NTNG1: variants seen among roughly 807,000 people sequenced by gnomAD.
The protein encoded by NTNG1 is netrin-G1.
A neutral mutation model predicts 54.0 loss-of-function variants in NTNG1; 16 were observed. The ratio of observed to expected loss-of-function variants is 0.30; its 90% CI spans 0.20 to 0.45. NTNG1 has a LOEUF of 0.45. NTNG1 is among the 20% of genes least tolerant of loss of function. NTNG1 has a pLI of 1.00. For missense variants in NTNG1, 530 were observed against 678.7 expected (o/e 0.78, Z 2.43); for synonymous variants, 255 against 263.1 (o/e 0.97, Z 0.30).
rs190297509 is a variant in NTNG1, at chr1:107,201,011, C to T, written c.246+52172C>T. ...TGCCCTAGCATTCTAAGCAACACAACGCAATTTTGGGTACTGTAAATTTTT... is the reference window on the plus strand; with the variant it reads ...TGCCCTAGCATTCTAAGCAACACAATGCAATTTTGGGTACTGTAAATTTTT... On this transcript the variant is annotated intron_variant, in intron 2 of 7. Coordinates refer to ENST00000370068, the MANE Select transcript of NTNG1 (RefSeq NM_001113226.3). Among the ~76,000 whole-genome samples the T allele has an allele frequency of 1.4e-3, 209 of 151,864 alleles. 3 individuals are homozygous for T. Among genetic ancestry groups the T allele is most frequent in the Middle Eastern group, 6.8e-3 (2 of 294 alleles).
intron 2 of NTNG1, among the ~76,000 whole-genome samples, chr1:107,200,844 T>TA (rs1045530509): frequency 1.6e-4 from 25 of 151,916 alleles, no homozygotes; most frequent in African/African-American, 5.5e-4. Flanking sequence ...ACTGCATAGA[T>TA]AAAAAACTCA....
chr1:107,181,287 G>A (rs1336784144), intron 2 of NTNG1, among the ~76,000 whole-genome samples: 2 of 152,172 alleles, frequency 1.3e-5, no homozygotes, highest in African/African-American at 2.4e-5. Flanking sequence ...ATACATTTCA[G>A]TGAAATAACC....
At chr1:107,394,034 A>AACACAC (rs142695081) in intron 3 of NTNG1, among the ~76,000 whole-genome samples, 107 of 149,806 alleles carry the variant, frequency 7.1e-4, no homozygotes, top group African/African-American at 2.5e-3. Flanking sequence ...CACACACATA[A>AACACAC]ACACACACAC....
chr1:107,475,728 C>A (rs1397117827), intron 7 of NTNG1, among the ~76,000 whole-genome samples: 1 of 152,160 alleles, frequency 6.6e-6, no homozygotes, highest in African/African-American at 2.4e-5. Flanking sequence ...CTGACCCAGG[C>A]CTTATCGTTT....
intron 2 of NTNG1, among the ~76,000 whole-genome samples, chr1:107,166,317 T>G (rs748839450): frequency 6.6e-6 from 1 of 152,234 alleles, no homozygotes; most frequent in African/African-American, 2.4e-5. Flanking sequence ...ATCTCAACAG[T>G]AACAAATGTT....
At chr1:107,170,986 T>C (rs1205827363) in intron 2 of NTNG1, among the ~76,000 whole-genome samples, 1 of 152,138 alleles carries the variant, frequency 6.6e-6, no homozygotes, top group African/African-American at 2.4e-5. Context: ...CCAATCCACA[T>C]TTTAATAAGA....
intron 7 of NTNG1, among the ~76,000 whole-genome samples, chr1:107,454,168 C>G (rs1370550368): frequency 6.6e-6 from 1 of 152,120 alleles, no homozygotes; most frequent in Admixed American, 6.6e-5. Context: ...ACAAACAATA[C>G]CACACAACAG....
chr1:107,230,358 G>A (rs942706303), intron 2 of NTNG1, among the ~76,000 whole-genome samples: 7 of 152,140 alleles, frequency 4.6e-5, no homozygotes, highest in Non-Finnish European at 8.8e-5. Context: ...TTGATGGGCA[G>A]TCTGTATCAG....
intron 2 of NTNG1, among the ~76,000 whole-genome samples, chr1:107,157,368 A>T (rs1655077325): frequency 6.6e-6 from 1 of 152,160 alleles, no homozygotes; most frequent in Non-Finnish European, 1.5e-5. Flanking sequence ...AAGGTTCTTG[A>T]TTGGTGTTGT....
intron 2 of NTNG1, among the ~76,000 whole-genome samples, chr1:107,195,394 C>T (rs1188918980): frequency 1.3e-5 from 2 of 151,990 alleles, no homozygotes; most frequent in Non-Finnish European, 2.9e-5. Context: ...TTGCCTTACT[C>T]CTGCCTTTGC....
At chr1:107,346,284 T>C (rs1441046995) in intron 3 of NTNG1, among the ~76,000 whole-genome samples, 1 of 152,166 alleles carries the variant, frequency 6.6e-6, no homozygotes, top group Non-Finnish European at 1.5e-5. Flanking sequence ...GGGTATAGAT[T>C]TACTACAGTC....
chr1:107,143,510 C>G (rs748707857), intron 1 of NTNG1: 1 of 145,992 alleles, frequency 6.8e-6, no homozygotes, highest in Non-Finnish European at 1.5e-5. Context: ...ACAAAGGCAT[C>G]AAGTCACTTG....
intron 2 of NTNG1, among the ~76,000 whole-genome samples, chr1:107,221,302 G>T (rs6583016): frequency 0.86 from 131,403 of 152,096 alleles, 58,222 homozygotes; most frequent in East Asian, 0.99. Flanking sequence ...TTGGGCTTCA[G>T]CCCACAAGGA....
chr1:107,170,898 T>C (rs1453800694), intron 2 of NTNG1, among the ~76,000 whole-genome samples: 1 of 152,138 alleles, frequency 6.6e-6, no homozygotes, highest in Non-Finnish European at 1.5e-5. Context: ...GAATAGTAGA[T>C]TCTAGTAAAG....
At chr1:107,363,386 G>A (rs1670404936) in intron 3 of NTNG1, among the ~76,000 whole-genome samples, 2 of 152,118 alleles carry the variant, frequency 1.3e-5, no homozygotes, top group East Asian at 3.9e-4. Context: ...GGAAACTGGG[G>A]GGTCATCCAG....
At chr1:107,433,243 A>G (rs182948031) in intron 6 of NTNG1, among the ~76,000 whole-genome samples, 2 of 152,298 alleles carry the variant, frequency 1.3e-5, no homozygotes, top group African/African-American at 2.4e-5. Flanking sequence ...CCTAGGTACT[A>G]TTAAAGTTAG....
At chr1:107,342,445 G>T (rs1378959182) in intron 3 of NTNG1, among the ~76,000 whole-genome samples, 2 of 152,056 alleles carry the variant, frequency 1.3e-5, no homozygotes. Flanking sequence ...TGAAATATGT[G>T]TCTTTGCACT....
At chr1:107,198,392 C>G (rs2101258064) in intron 2 of NTNG1, among the ~76,000 whole-genome samples, 1 of 152,082 alleles carries the variant, frequency 6.6e-6, no homozygotes, top group African/African-American at 2.4e-5. Flanking sequence ...ATGCTGTCTA[C>G]TTTTGTATAT....
chr1:107,164,468 G>A, intron 2 of NTNG1, among the ~76,000 whole-genome samples: 1 of 152,262 alleles, frequency 6.6e-6, no homozygotes, highest in Non-Finnish European at 1.5e-5. Flanking sequence ...TACCTGTTAT[G>A]TGCAAGGTAC....
Sources: gnomAD v4.1 joint callset for allele counts (sites outside exome capture counted in the v4.1 genomes callset) on GRCh38, gnomAD v4.1.1 for gene constraint, MANE v1.5 for transcripts, NCBI Gene and HGNC (gene_info 2026-07-23, HGNC 2026-07-21) for gene names.